The following MAP3K15 variants were observed in gnomAD, a reference collection of about 807,000 sequenced individuals.
The protein encoded by MAP3K15 is mitogen-activated protein kinase kinase kinase 15.
Under a neutral mutation model 99.5 loss-of-function variants are expected in MAP3K15, and 124 were observed. The ratio of observed to expected loss-of-function variants is 1.25; its 90% confidence interval spans 1.08 to 1.45. MAP3K15 has a LOEUF of 1.45. Among genes scored for constraint, MAP3K15 ranks in the 40% most tolerant of loss-of-function variants. The pLI is 0.00. For missense variants in MAP3K15, 1,242 were observed against 1,079.7 expected, an observed-to-expected ratio of 1.15 and a Z score of -2.11; for synonymous variants, 494 against 439.6, an observed-to-expected ratio of 1.12 and a Z score of -1.55.
At chrX:19,380,969 C>T (rs1329496525) in intron 18 of MAP3K15, among the ~76,000 whole-genome samples, 1 of 112,372 alleles carries the variant, frequency 8.9e-6, no homozygotes, top group Non-Finnish European at 1.9e-5. Context: ...GAAGCCAGAA[C>T]GTGAGAAACA....
chrX:19,498,708 G>T (rs1379543899), intron 1 of MAP3K15, among the ~76,000 whole-genome samples: 1 of 112,093 alleles, frequency 8.9e-6, no homozygotes, highest in African/African-American at 3.2e-5. Context: ...GTGCCTGGGG[G>T]CACTCATCGT....
At position 19,490,140 on chromosome X, in the gene MAP3K15, T is replaced by TACACACACACAC. The variant is rs59202439; in HGVS notation, c.362-1185_362-1174dup. On this transcript the variant is annotated intron_variant, in intron 1 of 28. Coordinates refer to ENST00000338883, the MANE Select transcript of MAP3K15 (RefSeq NM_001001671.4). Reference sequence around the variant, plus strand: ...TACGTACAGGCATGTATAGGCATTATACACACACACACACACACACACACA... The same window carrying TACACACACACAC: ...TACGTACAGGCATGTATAGGCATTATACACACACACACACACACACACACACACACACACACA... Among the ~76,000 whole-genome samples the TACACACACACAC allele has an allele frequency of 7.8e-4, 72 of 92,468 alleles. 1 individual carries two copies. The highest frequency in any genetic ancestry group is 2.8e-3 in the African/African-American group (68 of 24,030). 80.3% of individuals were successfully genotyped at this position (92,468 alleles called of 115,157 possible). A position where few individuals can be genotyped will look rare whatever the true frequency, so the allele number is the denominator to read the frequency against.
In MAP3K15 at chrX:19,360,758, G is replaced by C. The variant is rs758692867; in HGVS notation, c.3933C>G (p.Asp1311Glu). ...GCTTAGCTGATTGGTATCAAGCCTT[G>C]TCTTTGGTTTCTGAGGCCTCCTGAG... ...RRAQEASETK[D>E]KA is the part of the protein sequence containing the mutation. Residue 1311 changes from aspartate to glutamate, a missense_variant, in exon 29 of 29, where the codon GAC (aspartate) becomes GAG (glutamate). Transcript: ENST00000338883. 4 of 1,207,019 alleles carry C rather than the reference G, an allele frequency of 3.3e-6. No homozygotes were observed. The South Asian group carries it at 7.1e-5, about 21-fold the overall frequency.
chrX:19,421,932 GGA>G (rs1358197532), intron 9 of MAP3K15, among the ~76,000 whole-genome samples: 2 of 110,265 alleles, frequency 1.8e-5, no homozygotes, highest in African/African-American at 6.8e-5. Flanking sequence ...AATGGGGAAA[GGA>G]GTCCCTATTT....
At chrX:19,415,645 T>C (rs763470728) in intron 9 of MAP3K15, among the ~76,000 whole-genome samples, 1 of 111,205 alleles carries the variant, frequency 9.0e-6, no homozygotes, top group East Asian at 2.8e-4. Flanking sequence ...TCCCAATAGA[T>C]ACATTGGAAA....
At chrX:19,413,247 A>G (rs2063703486) in intron 11 of MAP3K15, 110 bp downstream of exon 11, 1 of 536,325 alleles carries the variant, frequency 1.9e-6, no homozygotes, top group Admixed American at 3.1e-5. Context: ...ACTCTCTCAT[A>G]TATTCTCATA....
intron 3 of MAP3K15, among the ~76,000 whole-genome samples, chrX:19,474,480 A>T (rs1410013430): frequency 1.1e-5 from 1 of 86,966 alleles, no homozygotes; most frequent in African/African-American, 4.3e-5. Context: ...AATATTCTCT[A>T]TGTGCAATAG....
Position 19,483,391 on chromosome X carries a change from C to T in MAP3K15, c.525+3091G>A, listed in dbSNP as rs1179663271. On this transcript the variant is annotated intron_variant, in intron 3 of 28. Coordinates refer to ENST00000338883, the MANE Select transcript of MAP3K15 (RefSeq NM_001001671.4). Reference sequence around the variant, plus strand: ...TATTACTTTTTATTTTTCCATCTCCCTTTCTGGGTAAAAGTACAATTTTAG... The same window carrying T: ...TATTACTTTTTATTTTTCCATCTCCTTTTCTGGGTAAAAGTACAATTTTAG... Among the ~76,000 whole-genome samples, 6 of 111,623 alleles carry T rather than the reference C, an allele frequency of 5.4e-5. No individual in the cohort carries two copies. The East Asian group carries it at 1.4e-3, about 26-fold the overall frequency.
chrX:19,413,542 G>T, intron 10 of MAP3K15, 78 bp from the exon 11 acceptor site: 2 of 699,999 alleles, frequency 2.9e-6, no homozygotes, highest in South Asian at 2.9e-5. Flanking sequence ...AGGCGGGGAG[G>T]TCCGTACTCA....
chrX:19,431,706 G>A, intron 6 of MAP3K15, 98 bp from the exon 7 acceptor site: 1 of 735,041 alleles, frequency 1.4e-6, no homozygotes. Context: ...AGCACTTTGG[G>A]AGGCCGAAGC....
chrX:19,452,907 A>G (rs1223176038), intron 6 of MAP3K15, among the ~76,000 whole-genome samples: 5 of 110,543 alleles, frequency 4.5e-5, no homozygotes, highest in East Asian at 2.8e-4. Flanking sequence ...GTCCAAGACA[A>G]TTCTTCTTCC....
intron 1 of MAP3K15, 107 bp downstream of exon 1, chrX:19,514,773 GACGAGGGGGAGGGGAGGGGGA>G: frequency 1.1e-5 from 1 of 94,957 alleles, no homozygotes; most frequent in Admixed American, 2.1e-4. Flanking sequence ...AGGGGAGGGG[GACGAGGGGGAGGGGAGGGGGA>G]CGAGGGGGAG....
intron 9 of MAP3K15, among the ~76,000 whole-genome samples, chrX:19,424,051 C>A (rs992374496): frequency 2.7e-5 from 3 of 110,683 alleles, no homozygotes; most frequent in Non-Finnish European, 5.7e-5. Context: ...GAAGCTTGCA[C>A]GTGGTCTCTC....
rs767913850 is a variant in MAP3K15 at position 19,462,515 on chromosome X, T to G, written c.719+1698A>C. On this transcript the variant is annotated intron_variant, in intron 4 of 28. Coordinates refer to ENST00000338883, the MANE Select transcript of MAP3K15 (RefSeq NM_001001671.4). ...TTAGGTTAGCCCGATAAGTAAAAAGTTATACTTCAGCCTTATTTTTCAAGG... is the reference window on the plus strand; with the variant it reads ...TTAGGTTAGCCCGATAAGTAAAAAGGTATACTTCAGCCTTATTTTTCAAGG... Among the ~76,000 whole-genome samples the G allele has an allele frequency of 5.4e-5, 6 of 112,120 alleles. No homozygotes were observed. In the East Asian group the frequency reaches 1.7e-3, roughly 31 times the overall value.
intron 1 of MAP3K15, among the ~76,000 whole-genome samples, chrX:19,509,974 C>T (rs2064506733): frequency 8.9e-6 from 1 of 111,814 alleles, no homozygotes; most frequent in African/African-American, 3.2e-5. Flanking sequence ...CACATCTACA[C>T]AAATAAACTA....
intron 6 of MAP3K15, among the ~76,000 whole-genome samples, chrX:19,456,608 T>C (rs1187215252): frequency 8.9e-6 from 1 of 112,358 alleles, no homozygotes; most frequent in African/African-American, 3.2e-5. Context: ...TGCATTTCAC[T>C]GACTGCAAAT....
At chrX:19,492,673 TTA>T (rs1360056215) in intron 1 of MAP3K15, among the ~76,000 whole-genome samples, 2 of 111,824 alleles carry the variant, frequency 1.8e-5, no homozygotes, top group Non-Finnish European at 3.8e-5. Context: ...ACATTAAAAA[TTA>T]TATGTTTCAG....
intron 3 of MAP3K15, among the ~76,000 whole-genome samples, 181 bp downstream of exon 3, chrX:19,486,301 G>T (rs1203681996): frequency 8.9e-6 from 1 of 111,940 alleles, no homozygotes; most frequent in Admixed American, 9.5e-5. Context: ...CAATGGCTGA[G>T]TGGGGCCTGG....
chrX:19,379,789 C>G lies in MAP3K15; in HGVS notation c.2589+331G>C, dbSNP rs148509205. Among the ~76,000 whole-genome samples the G allele has an allele frequency of 7.2e-3, 807 of 111,476 alleles. 12 individuals carry two copies. Among genetic ancestry groups the G allele is most frequent in the Non-Finnish European group, 0.011 (583 of 53,051 alleles). On this transcript the variant is annotated intron_variant, in intron 19 of 28. Coordinates refer to ENST00000338883, the MANE Select transcript of MAP3K15 (RefSeq NM_001001671.4). The stretch of plus-strand genomic sequence containing the variant: ...CAAACAGTGAACACCAATGGTCCCC[C>G]CAATCACCAGGTGAATCTAAGATGA...
Sources: gnomAD v4.1 joint callset for allele counts (sites outside exome capture counted in the v4.1 genomes callset) on GRCh38, gnomAD v4.1.1 for gene constraint, MANE v1.5 for transcripts, NCBI Gene and HGNC (gene_info 2026-07-23, HGNC 2026-07-21) for gene names.